Variants in NR3C2 observed in about 807,000 individuals in gnomAD.
The protein encoded by NR3C2 is mineralocorticoid receptor.
NR3C2 carries 15 observed loss-of-function variants against 86.4 expected under a neutral mutation model. The observed-to-expected ratio is 0.17, with a 90% CI of 0.12 to 0.27. The LOEUF is 0.27. Ranked by LOEUF, NR3C2 falls within the 10% of genes least tolerant of loss-of-function variation. The probability of loss-of-function intolerance (pLI) is 1.00; values close to 1 mark genes in which losing one functional copy is unlikely to be tolerated. For missense variants in NR3C2, 960 were observed against 1,195.6 expected (o/e 0.80, Z 2.91); for synonymous variants, 458 against 450.5 (o/e 1.02, Z -0.21).
chr4:148,202,998 A>C (rs867165623), intron 3 of NR3C2, among the ~76,000 whole-genome samples: 1 of 152,112 alleles, frequency 6.6e-6, no homozygotes, highest in Non-Finnish European at 1.5e-5. Flanking sequence ...TTTCCTTTAA[A>C]ACCTTATTTT....
chr4:148,442,545 A>G, upstream of NR3C2: 2 of 594,452 alleles, frequency 3.4e-6, no homozygotes, highest in Non-Finnish European at 4.2e-6. Context: ...TGTCCAGATA[A>G]AGTTCAGGTT....
intron 6 of NR3C2, among the ~76,000 whole-genome samples, chr4:148,149,597 C>G (rs1445765252): frequency 6.6e-6 from 1 of 152,140 alleles, no homozygotes; most frequent in African/African-American, 2.4e-5. Context: ...TTAAAGGACA[C>G]TTTCAATAGA....
At chr4:148,097,625 G>A (rs531142948) in intron 8 of NR3C2, among the ~76,000 whole-genome samples, 16 of 152,216 alleles carry the variant, frequency 1.1e-4, no homozygotes, top group African/African-American at 3.9e-4. Context: ...GATCGCTTAA[G>A]ACAAGCCTGT....
intron 2 of NR3C2, among the ~76,000 whole-genome samples, chr4:148,279,325 A>G (rs1741120602): frequency 6.6e-6 from 1 of 152,218 alleles, no homozygotes; most frequent in Admixed American, 6.5e-5. Flanking sequence ...TTATCTGAAG[A>G]CAAAATAATG....
chr4:148,224,853 CA>C (rs939192973), intron 3 of NR3C2, among the ~76,000 whole-genome samples: 6 of 152,152 alleles, frequency 3.9e-5, no homozygotes, highest in African/African-American at 1.4e-4. Flanking sequence ...AGGAAATTAA[CA>C]AATGTTTATT....
chr4:148,239,922 C>G (rs1560995097), intron 3 of NR3C2, among the ~76,000 whole-genome samples: 2 of 151,944 alleles, frequency 1.3e-5, no homozygotes, highest in Non-Finnish European at 2.9e-5. Context: ...TTCTCCCCTC[C>G]TCTTTCACGA....
At chr4:148,132,694 G>A (rs1175257212) in intron 6 of NR3C2, among the ~76,000 whole-genome samples, 3 of 152,094 alleles carry the variant, frequency 2.0e-5, no homozygotes, top group Non-Finnish European at 2.9e-5. Context: ...TGCTTATTCC[G>A]AGAAATTTTT....
intron 2 of NR3C2, among the ~76,000 whole-genome samples, chr4:148,339,528 T>A (rs1438949329): frequency 6.6e-6 from 1 of 152,186 alleles, no homozygotes; most frequent in African/African-American, 2.4e-5. Flanking sequence ...TATAAAACAT[T>A]AGTAATGTTT....
At chr4:148,365,189 ATC>A (rs1746048790) in intron 2 of NR3C2, among the ~76,000 whole-genome samples, 1 of 152,188 alleles carries the variant, frequency 6.6e-6, no homozygotes, top group African/African-American at 2.4e-5. Flanking sequence ...GAAAAGATAC[ATC>A]ACAGTTGAAG....
chr4:148,424,561 A>T (rs1749438177), intron 2 of NR3C2, among the ~76,000 whole-genome samples: 1 of 152,244 alleles, frequency 6.6e-6, no homozygotes, highest in African/African-American at 2.4e-5. Context: ...TAAATGGATG[A>T]ATAAAATGTG....
At chr4:148,266,752 T>C (rs557168041) in intron 2 of NR3C2, among the ~76,000 whole-genome samples, 3 of 152,292 alleles carry the variant, frequency 2.0e-5, no homozygotes, top group African/African-American at 4.8e-5. Context: ...GTCGGTGACC[T>C]TGGACATGGG....
chr4:148,284,013 A>G (rs754268338), intron 2 of NR3C2, among the ~76,000 whole-genome samples: 1 of 152,160 alleles, frequency 6.6e-6, no homozygotes, highest in African/African-American at 2.4e-5. Flanking sequence ...TTGACCTTCT[A>G]CCACATACCT....
chr4:148,294,163 T>C (rs896595589), intron 2 of NR3C2, among the ~76,000 whole-genome samples: 1 of 152,312 alleles, frequency 6.6e-6, no homozygotes, highest in East Asian at 1.9e-4. Context: ...CACTTAGCAA[T>C]ACGTGATCTT....
chr4:148,416,714 T>C (rs1319538685), intron 2 of NR3C2, among the ~76,000 whole-genome samples: 1 of 152,238 alleles, frequency 6.6e-6, no homozygotes, highest in Non-Finnish European at 1.5e-5. Flanking sequence ...TCACTTCTAT[T>C]TCTCTATTTA....
chr4:148,285,341 T>C (rs1741464405), intron 2 of NR3C2, among the ~76,000 whole-genome samples: 1 of 152,224 alleles, frequency 6.6e-6, no homozygotes, highest in African/African-American at 2.4e-5. Context: ...TAAATTCTAC[T>C]GGCATCAACA....
chr4:148,188,968 C>A (rs1214884547), intron 4 of NR3C2, among the ~76,000 whole-genome samples: 1 of 143,894 alleles, frequency 6.9e-6, no homozygotes, highest in African/African-American at 2.6e-5. Flanking sequence ...CACCTTGCTA[C>A]CCAGGCTGGA....
rs868748521 is a variant in NR3C2 at position 148,079,457 on chromosome 4, G to A, written c.*1887C>T. ...TGATCTAATTAATTGCTGCTTCCTC[G>A]TGGCCATGGGCTTCTCCAGCTACAG... On this transcript the variant is annotated 3_prime_UTR_variant, in exon 9 of 9. Transcript: ENST00000358102. The A allele has an allele frequency of 1.4e-4, 21 of 152,462 alleles. No individual in the cohort carries two copies. The South Asian group carries it at 1.9e-3, about 14-fold the overall frequency. 9.4% of individuals were successfully genotyped at this position (152,462 alleles called of 1,614,324 possible).
At position 148,122,183 on chromosome 4, in the gene NR3C2, C is replaced by G. The variant is rs943335737; in HGVS notation, c.2511-1895G>C. Among the ~76,000 whole-genome samples the G allele has an allele frequency of 2.0e-5, 3 of 152,142 alleles. No individual in the cohort carries two copies. In the East Asian group the frequency reaches 5.8e-4, roughly 29 times the overall value. On this transcript the variant is annotated intron_variant, in intron 6 of 8. Transcript: ENST00000358102. ...TTCAGCATTTTTTCAAATGTTTACTCATCATTTGGGTGTCTTCTTTGGTGA... is the reference window on the plus strand; with the variant it reads ...TTCAGCATTTTTTCAAATGTTTACTGATCATTTGGGTGTCTTCTTTGGTGA...
chr4:148,158,814 T>C (rs1396547079), intron 4 of NR3C2, among the ~76,000 whole-genome samples: 3 of 152,214 alleles, frequency 2.0e-5, no homozygotes, highest in African/African-American at 7.2e-5. Context: ...AAGGCTGTGG[T>C]CTGTAGCATA....
Sources: allele counts gnomAD v4.1 joint callset (sites outside exome capture counted in the v4.1 genomes callset), GRCh38; gene constraint gnomAD v4.1.1; transcripts MANE v1.5; gene names NCBI Gene and HGNC (gene_info 2026-07-23, HGNC 2026-07-21).